KCNQ1: variants seen among roughly 807,000 people sequenced by gnomAD.
KCNQ1 encodes potassium voltage-gated channel subfamily KQT member 1.
Under a neutral mutation model 72.4 loss-of-function variants are expected in KCNQ1, and 49 were observed. That is an observed-to-expected ratio of 0.68 (90% CI 0.54 to 0.86). The LOEUF (loss-of-function observed/expected upper bound fraction) is 0.86, where lower values mean the gene tolerates loss of function less well. Among genes scored for constraint, KCNQ1 ranks in the 40% least tolerant of loss-of-function variants. The probability of loss-of-function intolerance (pLI) is 0.00; values close to 1 mark genes in which losing one functional copy is unlikely to be tolerated. For synonymous variants in KCNQ1, 450 were observed against 412.6 expected, an observed-to-expected ratio of 1.09 and a Z score of -1.10; for missense variants, 790 against 945.1, an observed-to-expected ratio of 0.84 and a Z score of 2.15.
At chr11:2,632,194 A>G (rs1849367884) in intron 10 of KCNQ1, 1 of 397,856 alleles carries the variant, frequency 2.5e-6, no homozygotes, top group Non-Finnish European at 4.4e-6. Flanking sequence ...AAAAAAAAAA[A>G]AAAAAAAAAG....
At chr11:2,718,746 G>T (rs936780365) in intron 11 of KCNQ1, among the ~76,000 whole-genome samples, 1 of 152,202 alleles carries the variant, frequency 6.6e-6, no homozygotes, top group South Asian at 2.1e-4. Flanking sequence ...TAATGTCCAC[G>T]CTGGTGTTGA....
chr11:2,843,234 C>T (rs1201460370), intron 15 of KCNQ1, among the ~76,000 whole-genome samples: 1 of 152,258 alleles, frequency 6.6e-6, no homozygotes, highest in Admixed American at 6.5e-5. Context: ...TGCCCTGCCA[C>T]GAACCGCGAC....
chr11:2,781,645 A>G lies in KCNQ1; in HGVS notation c.1794+3608A>G, dbSNP rs1419185850. On this transcript the variant is annotated intron_variant, in intron 15 of 15. Transcript: ENST00000155840. The surrounding 1 kb of genome is among the most constrained non-coding windows in gnomAD (Gnocchi z 6.6). ...CCGCTCCAGCCCTCCTCCCCCAGCA[A>G]GTATTCTTAGCTTGGTCTCCAGGAC... Among the ~76,000 whole-genome samples, 3 of 152,318 alleles carry G rather than the reference A, an allele frequency of 2.0e-5. No individual in the cohort carries two copies. The highest frequency in any genetic ancestry group is 3.9e-4 in the East Asian group (2 of 5,178).
chr11:2,618,470 A>T (rs994107872), intron 10 of KCNQ1: 1 of 398,410 alleles, frequency 2.5e-6, no homozygotes, highest in Admixed American at 4.4e-5. Flanking sequence ...ATCTTTCTGC[A>T]TTGTTTTCTT....
In KCNQ1 at chr11:2,645,265, G is replaced by A. The variant is rs1590001947; in HGVS notation, c.1394-16696G>A. On this transcript the variant is annotated intron_variant, in intron 10 of 15. Transcript: ENST00000155840. This position sits in a 1 kb window ranked among gnomAD's most constrained non-coding sequence, Gnocchi z 5.8. ...ATGCCAGTTGTGGTGGTAATGGTCA[G>A]TTGGGTAGGGCAGTCCTCAAGCCCC... 2.5e-6 allele frequency: 1 copy of A among 398,768 alleles called. No homozygotes were observed. The highest frequency in any genetic ancestry group is 4.4e-6 in the Non-Finnish European group (1 of 226,230). 24.7% of individuals were successfully genotyped at this position (398,768 alleles called of 1,614,324 possible). A position where few individuals can be genotyped will look rare whatever the true frequency, so the allele number is the denominator to read the frequency against.
Position 2,751,608 on chromosome 11 carries a change from G to A in KCNQ1, c.1515-17236G>A, listed in dbSNP as rs907422510. On this transcript the variant is annotated intron_variant, in intron 11 of 15. Coordinates refer to ENST00000155840, the MANE Select transcript of KCNQ1 (RefSeq NM_000218.3). The stretch of plus-strand genomic sequence containing the variant: ...CTAGTGTGTTCTCCCTCTTTCAAAC[G>A]GGGCGGCGACCCTCGTCTGACAGGC... 3.9e-5 allele frequency among the ~76,000 whole-genome samples: 6 copies of A among 152,272 alleles called. No homozygotes were observed. In the South Asian group the frequency reaches 8.3e-4, roughly 21 times the overall value.
At chr11:2,737,560 A>T (rs1391575228) in intron 11 of KCNQ1, among the ~76,000 whole-genome samples, 1 of 152,238 alleles carries the variant, frequency 6.6e-6, no homozygotes, top group East Asian at 1.9e-4. Flanking sequence ...GTGCTACTTG[A>T]AAATAAAAGT....
chr11:2,539,716 G>T (rs933992239), intron 2 of KCNQ1, among the ~76,000 whole-genome samples: 6 of 152,350 alleles, frequency 3.9e-5, no homozygotes, highest in Admixed American at 1.3e-4. Context: ...AGACCTTGGT[G>T]GGGGGTGCGC....
chr11:2,494,776 A>G lies in KCNQ1; in HGVS notation c.387-33152A>G, dbSNP rs1846883987. On this transcript the variant is annotated intron_variant, in intron 1 of 15. Coordinates refer to ENST00000155840, the MANE Select transcript of KCNQ1 (RefSeq NM_000218.3). This position sits in a 1 kb window ranked among gnomAD's most constrained non-coding sequence, Gnocchi z 4.6. ...ATTGAAGATTTTTGCATCGGTGCTC[A>G]TCAGGGATATTGGCCTGAAGTTTTC... 6.6e-6 allele frequency among the ~76,000 whole-genome samples: 1 copy of G among 152,194 alleles called. No homozygotes were observed. Among genetic ancestry groups the G allele is most frequent in the Non-Finnish European group, 1.5e-5 (1 of 68,036 alleles).
At chr11:2,656,143 A>G (rs1849844153) in intron 10 of KCNQ1, 3 of 398,664 alleles carry the variant, frequency 7.5e-6, no homozygotes, top group East Asian at 3.6e-5. Context: ...TTCCTTCTAC[A>G]TACAAGTGAT....
rs547219999 is a variant in KCNQ1 at position 2,462,750 on chromosome 11, C to T, written c.386+17266C>T. On this transcript the variant is annotated intron_variant, in intron 1 of 15. Coordinates refer to ENST00000155840, the MANE Select transcript of KCNQ1 (RefSeq NM_000218.3). This position sits in a 1 kb window ranked among gnomAD's most constrained non-coding sequence, Gnocchi z 8.2. ...GGAGGGTGGGCGCTGCTGGCAAGAA[C>T]CACAGGCAAAGAGGGTGCCGGGGGC... 2.0e-5 allele frequency among the ~76,000 whole-genome samples: 3 copies of T among 152,220 alleles called. No individual in the cohort carries two copies. The South Asian group carries it at 6.2e-4, about 32-fold the overall frequency.
rs1849769625 is a variant in KCNQ1 at position 2,652,308 on chromosome 11, T to C, written c.1394-9653T>C. ...CAAGGCTTCTCCCTCACTAATTGCTTTGATTATTGTGTGAAGTTAAGAACT... is the reference window on the plus strand; with the variant it reads ...CAAGGCTTCTCCCTCACTAATTGCTCTGATTATTGTGTGAAGTTAAGAACT... On this transcript the variant is annotated intron_variant, in intron 10 of 15. Transcript: ENST00000155840. This position sits in a 1 kb window ranked among gnomAD's most constrained non-coding sequence, Gnocchi z 5.9. 1 of 398,526 alleles carries C rather than the reference T, an allele frequency of 2.5e-6. No individual in the cohort carries two copies. Among genetic ancestry groups the C allele is most frequent in the South Asian group, 1.3e-4 (1 of 7,864 alleles). 24.7% of individuals were successfully genotyped at this position (398,526 alleles called of 1,614,324 possible).
rs981973713 is a variant in KCNQ1 at position 2,651,271 on chromosome 11, T to C, written c.1394-10690T>C. Reference sequence around the variant, plus strand: ...GGAATTAAGCTGTGCTGGTCACTTATTGAGAAAGAGCTTCATGGTGGGCAG... The same window carrying C: ...GGAATTAAGCTGTGCTGGTCACTTACTGAGAAAGAGCTTCATGGTGGGCAG... On this transcript the variant is annotated intron_variant, in intron 10 of 15. Coordinates refer to ENST00000155840, the MANE Select transcript of KCNQ1 (RefSeq NM_000218.3). This position sits in a 1 kb window ranked among gnomAD's most constrained non-coding sequence, Gnocchi z 6.1. The C allele has an allele frequency of 1.5e-5, 6 of 398,536 alleles. No individual in the cohort carries two copies. The highest frequency in any genetic ancestry group is 2.1e-5 in the African/African-American group (1 of 48,648). The allele number at this position is 398,536 out of a possible 1,614,324, so 24.7% of individuals were successfully genotyped here. A position where few individuals can be genotyped will look rare whatever the true frequency, so the allele number is the denominator to read the frequency against.
At chr11:2,761,372 C>T (rs975700722) in intron 11 of KCNQ1, among the ~76,000 whole-genome samples, 4 of 152,176 alleles carry the variant, frequency 2.6e-5, no homozygotes, top group African/African-American at 9.7e-5. Context: ...ATGTGTTCCT[C>T]TTGATGTCCA....
At chr11:2,582,371 C>T (rs1389236652) in intron 6 of KCNQ1, among the ~76,000 whole-genome samples, 2 of 152,212 alleles carry the variant, frequency 1.3e-5, no homozygotes, top group Admixed American at 6.5e-5. Flanking sequence ...GGGGTTTGTT[C>T]TTGCCTTCCA....
At chr11:2,610,082 TC>T (rs1223442978) in intron 10 of KCNQ1, 2 of 398,004 alleles carry the variant, frequency 5.0e-6, no homozygotes, top group African/African-American at 4.1e-5. Flanking sequence ...TATTTCTTGT[TC>T]CTCTATTTCT....
Position 2,507,924 on chromosome 11 carries a change from T to A in KCNQ1, c.387-20004T>A, listed in dbSNP as rs1197453910. Among the ~76,000 whole-genome samples the A allele has an allele frequency of 2.0e-5, 3 of 152,166 alleles. No individual in the cohort carries two copies. Among genetic ancestry groups the A allele is most frequent in the Non-Finnish European group, 4.4e-5 (3 of 68,018 alleles). On this transcript the variant is annotated intron_variant, in intron 1 of 15. Transcript: ENST00000155840. This position sits in a 1 kb window ranked among gnomAD's most constrained non-coding sequence, Gnocchi z 5.4. ...CAAAGGACTCTGTGTTGAGCCCTCC[T>A]GAGAGGTTTTGGAACTGGCCTTGAC...
Position 2,679,412 on chromosome 11 carries a change from A to T in KCNQ1, c.1514+17331A>T. The T allele has an allele frequency of 2.5e-6, 1 of 398,670 alleles. No homozygotes were observed. The highest frequency in any genetic ancestry group is 4.4e-6 in the Non-Finnish European group (1 of 226,076). 24.7% of individuals were successfully genotyped at this position (398,670 alleles called of 1,614,324 possible). Reference sequence around the variant, plus strand: ...TTATTTGTAAAATGGGAATCATAAGAGTACCTTCCTCAGAGGGTTGTTAGG... The same window carrying T: ...TTATTTGTAAAATGGGAATCATAAGTGTACCTTCCTCAGAGGGTTGTTAGG... On this transcript the variant is annotated intron_variant, in intron 11 of 15. Transcript: ENST00000155840. This position sits in a 1 kb window ranked among gnomAD's most constrained non-coding sequence, Gnocchi z 4.8.
rs1220604922 is a variant in KCNQ1, at chr11:2,497,364, T to C, written c.387-30564T>C. Among the ~76,000 whole-genome samples, 3 of 152,170 alleles carry C rather than the reference T, an allele frequency of 2.0e-5. No individual in the cohort carries two copies. The highest frequency in any genetic ancestry group is 4.4e-5 in the Non-Finnish European group (3 of 68,022). On this transcript the variant is annotated intron_variant, in intron 1 of 15. Transcript: ENST00000155840. The surrounding 1 kb of genome is among the most constrained non-coding windows in gnomAD (Gnocchi z 4.5). ...TATTTCTTGGAGGTTTTGTTCGTTC[T>C]TTTTCATCATTTTTTCTCTAATCTT...
Sources: gnomAD v4.1 joint callset for allele counts (sites outside exome capture counted in the v4.1 genomes callset) on GRCh38, gnomAD v4.1.1 for gene constraint, Gnocchi (gnomAD v3.1) non-coding constraint, MANE v1.5 for transcripts, NCBI Gene and HGNC (gene_info 2026-07-23, HGNC 2026-07-21) for gene names.